The following TYRP1 variants were observed in gnomAD, a reference collection of about 807,000 sequenced individuals.
TYRP1 encodes the protein 5,6-dihydroxyindole-2-carboxylic acid oxidase.
TYRP1 carries 49 observed loss-of-function variants against 42.8 expected under a neutral mutation model. That is an observed-to-expected ratio of 1.14 (90% CI 0.91 to 1.45). TYRP1 has a LOEUF of 1.45. Among genes scored for constraint, TYRP1 ranks in the 40% most tolerant of loss-of-function variants. The pLI, the probability that TYRP1 is intolerant of heterozygous loss-of-function variation, is 0.00. For missense variants in TYRP1, 848 were observed against 662.0 expected (o/e 1.28, Z -3.08); for synonymous variants, 279 against 235.4 (o/e 1.19, Z -1.69).
At chr9:12,708,257 C>A in intron 7 of TYRP1, 114 bp downstream of exon 7, 1 of 1,299,398 alleles carries the variant, frequency 7.7e-7, no homozygotes, top group Non-Finnish European at 1.1e-6. Flanking sequence ...GACTTGGAAA[C>A]TTTCATTTGT....
In TYRP1 at chr9:12,709,121, A is replaced by C; in HGVS notation, c.1553A>C (p.Gln518Pro). The change falls in exon 8 of 8, where the codon CAG becomes CCG. Residue 518 changes from glutamine to proline, a missense_variant. Coordinates refer to ENST00000388918, the MANE Select transcript of TYRP1 (RefSeq NM_000550.3). Reference protein sequence around the residue: ...DEANQPLLTDQYQCYAEEYEK... With the variant: ...DEANQPLLTDPYQCYAEEYEK... ...GCTAACCAGCCTCTCCTCACTGATC[A>C]GTATCAATGCTATGCTGAAGAATAT... The C allele has an allele frequency of 1.2e-6, 2 of 1,612,800 alleles. No homozygotes were observed. Among genetic ancestry groups the C allele is most frequent in the South Asian group, 1.1e-5 (1 of 91,066 alleles).
chr9:12,698,423 G>C, intron 3 of TYRP1, 28 bp from the exon 4 acceptor site: 1 of 1,587,284 alleles, frequency 6.3e-7, no homozygotes, highest in Non-Finnish European at 8.7e-7. Context: ...CAGAAGCAGA[G>C]AGTATTAATG....
At chr9:12,702,159 C>G in intron 4 of TYRP1, 112 bp from the exon 5 acceptor site, 1 of 1,166,292 alleles carries the variant, frequency 8.6e-7, no homozygotes, top group Non-Finnish European at 1.2e-6. Flanking sequence ...ATTTTCTTTT[C>G]TACCAAGGAA....
At position 12,698,859 on chromosome 9, in the gene TYRP1, T is replaced by C. The variant is rs185727073; in HGVS notation, c.913+204T>C. Among the ~76,000 whole-genome samples, 28 of 152,214 alleles carry C rather than the reference T, an allele frequency of 1.8e-4. No homozygotes were observed. In the East Asian group the frequency reaches 5.2e-3, roughly 28 times the overall value. ...TGCTCCAGGGGAAACAGAAAGTGCC[T>C]ACACATTTTTACACTGCCTTTCTTG... On this transcript the variant is annotated intron_variant, in intron 4 of 7. Coordinates refer to ENST00000388918, the MANE Select transcript of TYRP1 (RefSeq NM_000550.3).
chr9:12,702,738 T>C (rs1232019843), intron 5 of TYRP1, among the ~76,000 whole-genome samples: 2 of 152,004 alleles, frequency 1.3e-5, no homozygotes, highest in Non-Finnish European at 2.9e-5. Flanking sequence ...TGTAACTATA[T>C]CAAGGTCTCT....
In TYRP1 at chr9:12,708,061, A is replaced by T. The variant is rs774618643; in HGVS notation, c.1326A>T (p.Pro442=). 3 of 1,612,750 alleles carry T rather than the reference A, an allele frequency of 1.9e-6. No individual in the cohort carries two copies. Among genetic ancestry groups the T allele is most frequent in the Non-Finnish European group, 2.5e-6 (3 of 1,179,332 alleles). ...ATAATAGACAATACAACATGGTGCC[A>T]TTCTGGCCCCCAGTCACCAACACAG... ...IGHNRQYNMV[P]FWPPVTNTEM... Residue 442 remains proline, a synonymous_variant, in exon 7 of 8, where the codon CCA becomes CCT. Coordinates refer to ENST00000388918, the MANE Select transcript of TYRP1 (RefSeq NM_000550.3).
intron 4 of TYRP1, among the ~76,000 whole-genome samples, chr9:12,700,967 G>T (rs978722137): frequency 6.6e-6 from 1 of 152,104 alleles, no homozygotes; most frequent in African/African-American, 2.4e-5. Flanking sequence ...TAATTATAAA[G>T]CATAGAACAT....
In TYRP1 at chr9:12,702,388, C is replaced by T. The variant is rs373723306; in HGVS notation, c.1031C>T (p.Thr344Met). ...TGCTTGGAAGTTGGTTTATTTGACACGCCTCCTTTTTATTCCAACTCTACA... is the reference window on the plus strand; with the variant it reads ...TGCTTGGAAGTTGGTTTATTTGACATGCCTCCTTTTTATTCCAACTCTACA... The part of the protein sequence containing the change: ...AQCLEVGLFD[T>M]PPFYSNSTNS... Residue 344 changes from threonine (T) to methionine (M), a missense_variant, in exon 5 of 8, where the codon ACG (threonine) becomes ATG (methionine). Coordinates refer to ENST00000388918, the MANE Select transcript of TYRP1 (RefSeq NM_000550.3). 5.5e-5 allele frequency: 88 copies of T among 1,612,838 alleles called. No homozygotes were observed. The highest frequency in any genetic ancestry group is 3.3e-4 in the Middle Eastern group (2 of 6,074).
In TYRP1 at chr9:12,694,004, C is replaced by G. The variant is rs1663304702; in HGVS notation, c.8C>G (p.Ala3Gly). ...ACTCTTATTTCAAGCAGAATGAGTG[C>G]TCCTAAACTCCTCTCTCTGGGCTGT... MS[A>G]PKLLSLGCIF... Residue 3 changes from alanine to glycine, a missense_variant, in exon 2 of 8, where the codon GCT becomes GGT. By Grantham distance (60) the Ala-to-Gly change is moderately conservative. Transcript: ENST00000388918. 6.2e-7 allele frequency: 1 copy of G among 1,613,882 alleles called. No homozygotes were observed. Among genetic ancestry groups the G allele is most frequent in the Admixed American group, 1.7e-5 (1 of 59,978 alleles).
In TYRP1 at chr9:12,709,169, A is replaced by G. The variant is rs755929053; in HGVS notation, c.1601A>G (p.Gln534Arg). ...TATGAAAAACTCCAGAATCCTAATC[A>G]GTCTGTGGTCTAACAAATGCCCTAC... Reference protein sequence around the residue: ...EEYEKLQNPNQSVV With the variant: ...EEYEKLQNPNRSVV Residue 534 changes from glutamine (Q) to arginine (R), a missense_variant, in exon 8 of 8, where the codon CAG (glutamine) becomes CGG (arginine). Physicochemically the swap from Gln to Arg is conservative, Grantham distance 43 (BLOSUM62 1). Coordinates refer to ENST00000388918, the MANE Select transcript of TYRP1 (RefSeq NM_000550.3). 9 of 1,612,482 alleles carry G rather than the reference A, an allele frequency of 5.6e-6. No homozygotes were observed. Among genetic ancestry groups the G allele is most frequent in the South Asian group, 4.4e-5 (4 of 91,064 alleles).
chr9:12,703,662 A>ATAAG (rs1305887313), intron 5 of TYRP1, among the ~76,000 whole-genome samples: 1 of 152,024 alleles, frequency 6.6e-6, no homozygotes, highest in African/African-American at 2.4e-5. Flanking sequence ...AGGTGGCTAA[A>ATAAG]TAAGTGGCTA....
At position 12,702,254 on chromosome 9, in the gene TYRP1, C is replaced by G. The variant is rs780413023; in HGVS notation, c.914-17C>G. On this transcript the variant is annotated splice_polypyrimidine_tract_variant and intron_variant, in intron 4 of 7. Coordinates refer to ENST00000388918, the MANE Select transcript of TYRP1 (RefSeq NM_000550.3). ...AAACATTGTGTAAATGTTTCCACAT[C>G]CCATTTTTTTCTGCAGGCACCGAGG... The G allele has an allele frequency of 2.5e-6, 4 of 1,612,550 alleles. No homozygotes were observed. The highest frequency in any genetic ancestry group is 2.5e-6 in the Non-Finnish European group (3 of 1,179,098).
chr9:12,708,889 A>G, intron 7 of TYRP1, 88 bp from the exon 8 acceptor site: 2 of 1,221,166 alleles, frequency 1.6e-6, no homozygotes, highest in Non-Finnish European at 2.3e-6. Flanking sequence ...TTCTGTTAAA[A>G]TAGACATTTC....
At chr9:12,695,084 TA>T (rs916133906) in intron 2 of TYRP1, among the ~76,000 whole-genome samples, 9 of 151,654 alleles carry the variant, frequency 5.9e-5, no homozygotes, top group South Asian at 2.1e-4. Flanking sequence ...TTTTAATGAT[TA>T]AAAAAAAACT....
chr9:12,694,553 A>G, intron 2 of TYRP1, 172 bp downstream of exon 2: 1 of 814,954 alleles, frequency 1.2e-6, no homozygotes, highest in Non-Finnish European at 1.9e-6. Flanking sequence ...TTTAATGTAA[A>G]GGGTTGGAGT....
chr9:12,701,437 G>GT lies in TYRP1; in HGVS notation c.914-825dup, dbSNP rs1010196132. 6.6e-5 allele frequency among the ~76,000 whole-genome samples: 10 copies of GT among 151,398 alleles called. No individual in the cohort carries two copies. In the East Asian group the frequency reaches 1.2e-3, roughly 18 times the overall value. ...CTGTGCCAAGTCTGTGGGATACAAA[G>GT]TTTTTTTTTGTTACAGATAGGGGGT... On this transcript the variant is annotated intron_variant, in intron 4 of 7. Coordinates refer to ENST00000388918, the MANE Select transcript of TYRP1 (RefSeq NM_000550.3).
At position 12,709,345 on chromosome 9, in the gene TYRP1, C is replaced by G. The variant is rs555686285; in HGVS notation, c.*163C>G. The G allele has an allele frequency of 4.3e-6, 3 of 698,188 alleles. No individual in the cohort carries two copies. In the Admixed American group the frequency reaches 7.6e-5, roughly 18 times the overall value. The allele number at this position is 698,188 out of a possible 1,614,324, so 43.2% of individuals were successfully genotyped here. ...CATACTTTTCAAAGCTGGGAAGACCCTTTCAGAATCTTTTCAATGGGTTTT... is the reference window on the plus strand; with the variant it reads ...CATACTTTTCAAAGCTGGGAAGACCGTTTCAGAATCTTTTCAATGGGTTTT... On this transcript the variant is annotated 3_prime_UTR_variant, in exon 8 of 8. Transcript: ENST00000388918.
At chr9:12,708,618 A>ATCT (rs1818300889) in intron 7 of TYRP1, among the ~76,000 whole-genome samples, 1 of 151,890 alleles carries the variant, frequency 6.6e-6, no homozygotes, top group African/African-American at 2.4e-5. Flanking sequence ...TTTTGTTTAA[A>ATCT]TCTTTTCCCC....
chr9:12,703,883 ATGTGTGTGTG>A (rs58360847), intron 5 of TYRP1, among the ~76,000 whole-genome samples: 2 of 143,430 alleles, frequency 1.4e-5, no homozygotes, highest in East Asian at 2.0e-4. Flanking sequence ...ATATATATAT[ATGTGTGTGTG>A]TGTGTGTGTG....
Sources: gnomAD v4.1 joint callset for allele counts (sites outside exome capture counted in the v4.1 genomes callset) on GRCh38, gnomAD v4.1.1 for gene constraint, MANE v1.5 for transcripts, NCBI Gene and HGNC (gene_info 2026-07-23, HGNC 2026-07-21) for gene names.